The following BICDL1 variants were observed in gnomAD, a reference collection of about 807,000 sequenced individuals.
BICDL1 encodes the protein BICD family like cargo adaptor 1.
Under a neutral mutation model 76.8 loss-of-function variants are expected in BICDL1, and 20 were observed. The observed-to-expected ratio is 0.26, with a 90% confidence interval of 0.18 to 0.38. The LOEUF (loss-of-function observed/expected upper bound fraction) is 0.38, where lower values mean the gene tolerates loss of function less well. Ranked by LOEUF, BICDL1 falls within the 10% of genes least tolerant of loss-of-function variation. The probability of loss-of-function intolerance (pLI) is 1.00; values close to 1 mark genes in which losing one functional copy is unlikely to be tolerated. For missense variants in BICDL1, 700 were observed against 798.6 expected (o/e 0.88, Z 1.49); for synonymous variants, 383 against 337.1 (o/e 1.14, Z -1.49).
intron 2 of BICDL1, among the ~76,000 whole-genome samples, chr12:120,015,010 C>G (rs1952031560): frequency 6.6e-6 from 1 of 151,974 alleles, no homozygotes; most frequent in Admixed American, 6.6e-5. Context: ...GTGGGAGAGA[C>G]AGACAAATCT....
chr12:120,048,492 T>TC (rs1952792485), intron 2 of BICDL1, among the ~76,000 whole-genome samples: 1 of 152,176 alleles, frequency 6.6e-6, no homozygotes, highest in African/African-American at 2.4e-5. Flanking sequence ...TGTGTCTTCC[T>TC]CAAACCTTAT....
intron 2 of BICDL1, among the ~76,000 whole-genome samples, chr12:120,056,309 A>G (rs1477864766): frequency 6.6e-6 from 1 of 152,246 alleles, no homozygotes; most frequent in Non-Finnish European, 1.5e-5. Flanking sequence ...ATATTCACCT[A>G]TGATTTCAAA....
intron 1 of BICDL1, among the ~76,000 whole-genome samples, chr12:119,997,911 C>T (rs1346963894): frequency 1.3e-5 from 2 of 152,170 alleles, no homozygotes; most frequent in Middle Eastern, 3.4e-3. Context: ...GTCAAGAAAT[C>T]GAGACCAACC....
At chr12:120,018,059 A>G (rs1952102431) in intron 2 of BICDL1, among the ~76,000 whole-genome samples, 1 of 152,180 alleles carries the variant, frequency 6.6e-6, no homozygotes, top group South Asian at 2.1e-4. Context: ...TGTCAAAGTC[A>G]TTTAGTAAAT....
intron 1 of BICDL1, 115 bp from the exon 2 acceptor site, chr12:119,998,406 G>A: frequency 1.3e-6 from 1 of 755,050 alleles, no homozygotes; most frequent in Non-Finnish European, 2.1e-6. Context: ...TATGTGGTAG[G>A]GTGTTTTATT....
At chr12:120,065,959 A>C (rs1370698137) in intron 4 of BICDL1, among the ~76,000 whole-genome samples, 1 of 152,204 alleles carries the variant, frequency 6.6e-6, no homozygotes, top group African/African-American at 2.4e-5. Context: ...GTAACTTTCC[A>C]TATATTAATA....
At chr12:120,072,775 G>A in intron 6 of BICDL1, 46 bp downstream of exon 6, 1 of 1,555,334 alleles carries the variant, frequency 6.4e-7, no homozygotes, top group Non-Finnish European at 8.8e-7. Flanking sequence ...GGAGCTGGCT[G>A]GTGGGAGGTT....
chr12:120,008,317 C>T (rs1448600230), intron 2 of BICDL1, among the ~76,000 whole-genome samples: 1 of 152,020 alleles, frequency 6.6e-6, no homozygotes, highest in Non-Finnish European at 1.5e-5. Context: ...AGCCACCATT[C>T]TTGGCTAATT....
intron 2 of BICDL1, among the ~76,000 whole-genome samples, chr12:120,047,942 A>G (rs1398548936): frequency 6.6e-6 from 1 of 152,196 alleles, no homozygotes; most frequent in African/African-American, 2.4e-5. Flanking sequence ...TCTCATAGGG[A>G]CATGAAACTT....
At chr12:120,009,318 A>C (rs1951910058) in intron 2 of BICDL1, among the ~76,000 whole-genome samples, 1 of 152,148 alleles carries the variant, frequency 6.6e-6, no homozygotes, top group South Asian at 2.1e-4. Context: ...CGAGAGAGCC[A>C]TGCCTGATTC....
chr12:120,069,710 AT>A (rs1280483893), intron 4 of BICDL1, among the ~76,000 whole-genome samples: 1 of 152,072 alleles, frequency 6.6e-6, no homozygotes, highest in African/African-American at 2.4e-5. Context: ...ATGAAAATGT[AT>A]ATATAGTAAA....
intron 2 of BICDL1, among the ~76,000 whole-genome samples, chr12:120,015,810 C>G (rs1952048877): frequency 6.6e-6 from 1 of 152,200 alleles, no homozygotes; most frequent in South Asian, 2.1e-4. Flanking sequence ...TTCCATTGTC[C>G]AGATCACTGG....
chr12:120,066,250 G>A (rs1953217464), intron 4 of BICDL1, among the ~76,000 whole-genome samples: 1 of 152,126 alleles, frequency 6.6e-6, no homozygotes, highest in Non-Finnish European at 1.5e-5. Flanking sequence ...TAACTTCTTG[G>A]TATCACTTGC....
chr12:120,054,570 A>C (rs1268288055), intron 2 of BICDL1, among the ~76,000 whole-genome samples: 1 of 152,196 alleles, frequency 6.6e-6, no homozygotes, highest in South Asian at 2.1e-4. Flanking sequence ...GGAATATTAC[A>C]GTCATATAAA....
intron 2 of BICDL1, among the ~76,000 whole-genome samples, chr12:120,028,633 C>G (rs897413718): frequency 1.3e-5 from 2 of 152,022 alleles, no homozygotes; most frequent in African/African-American, 4.8e-5. Flanking sequence ...ATGAGATCGC[C>G]CACTGCACAC....
chr12:119,990,338 G>A (rs1444508210), intron 1 of BICDL1, 41 bp downstream of exon 1: 14 of 1,542,308 alleles, frequency 9.1e-6, no homozygotes, highest in Non-Finnish European at 1.2e-5. Context: ...AGCAGGGGCC[G>A]CCCAGGCACG....
At chr12:120,018,448 T>G (rs1952110267) in intron 2 of BICDL1, among the ~76,000 whole-genome samples, 1 of 152,190 alleles carries the variant, frequency 6.6e-6, no homozygotes, top group African/African-American at 2.4e-5. Context: ...TTCTTCCACC[T>G]AAGTAGCACA....
At chr12:120,074,973 T>C (rs535950741) in intron 7 of BICDL1, among the ~76,000 whole-genome samples, 1 of 152,260 alleles carries the variant, frequency 6.6e-6, no homozygotes, top group Admixed American at 6.5e-5. Context: ...CAGTTCCCTT[T>C]TGTAAGTGCC....
At chr12:120,056,460 C>G (rs1209588977) in intron 2 of BICDL1, among the ~76,000 whole-genome samples, 2 of 152,178 alleles carry the variant, frequency 1.3e-5, no homozygotes, top group East Asian at 3.9e-4. Context: ...GTGGCTCACG[C>G]CTGTAATCCT....
Sources: allele counts gnomAD v4.1 joint callset (sites outside exome capture counted in the v4.1 genomes callset), GRCh38; gene constraint gnomAD v4.1.1; transcripts MANE v1.5; gene names NCBI Gene and HGNC (gene_info 2026-07-23, HGNC 2026-07-21).